The following GRIN2A variants were observed in gnomAD, a reference collection of about 807,000 sequenced individuals.
GRIN2A encodes glutamate receptor ionotropic, NMDA 2A.
Under a neutral mutation model 113.4 loss-of-function variants are expected in GRIN2A, and 22 were observed. That is an observed-to-expected ratio of 0.19 (90% CI 0.14 to 0.28). The LOEUF (loss-of-function observed/expected upper bound fraction) is 0.28. Among genes scored for constraint, GRIN2A ranks in the 10% least tolerant of loss-of-function variants. GRIN2A has a pLI of 1.00. For missense variants in GRIN2A, 1,502 were observed against 1,887.0 expected (o/e 0.80, Z 3.78); for synonymous variants, 827 against 738.4 (o/e 1.12, Z -1.94).
At chr16:10,019,339 AAATTAG>A (rs1446917897) in intron 2 of GRIN2A, among the ~76,000 whole-genome samples, 3 of 152,336 alleles carry the variant, frequency 2.0e-5, no homozygotes, top group Admixed American at 1.3e-4. Flanking sequence ...TAAGTTGTAA[AAATTAG>A]AATTAGATTA....
intron 2 of GRIN2A, chr16:10,179,753 T>A: frequency 1.8e-6 from 1 of 546,168 alleles, no homozygotes. Context: ...GAGCGCTTCC[T>A]GGCACACACA....
At chr16:9,819,588 T>C (rs2042243838) in intron 10 of GRIN2A, among the ~76,000 whole-genome samples, 1 of 151,986 alleles carries the variant, frequency 6.6e-6, no homozygotes, top group Non-Finnish European at 1.5e-5. Flanking sequence ...TTTCCCCAAA[T>C]ATTAACTCCA....
At chr16:10,102,367 A>G (rs1164435014) in intron 2 of GRIN2A, among the ~76,000 whole-genome samples, 2 of 152,104 alleles carry the variant, frequency 1.3e-5, no homozygotes, top group Non-Finnish European at 2.9e-5. Context: ...ACCATGCGAT[A>G]TGCTACCCCC....
chr16:9,967,692 C>T (rs540867929), intron 2 of GRIN2A, among the ~76,000 whole-genome samples: 11 of 151,718 alleles, frequency 7.3e-5, no homozygotes, highest in Middle Eastern at 3.4e-3. Flanking sequence ...GGCGACAGAG[C>T]GAGACTCCAT....
intron 2 of GRIN2A, among the ~76,000 whole-genome samples, chr16:9,992,175 C>T (rs1362695844): frequency 6.6e-6 from 1 of 152,088 alleles, no homozygotes; most frequent in Non-Finnish European, 1.5e-5. Flanking sequence ...ATGTTTATAT[C>T]ATTTTCTTTA....
intron 2 of GRIN2A, among the ~76,000 whole-genome samples, chr16:10,056,828 C>A (rs529100340): frequency 1.3e-5 from 2 of 152,186 alleles, no homozygotes; most frequent in East Asian, 3.9e-4. Context: ...AATGCCAGAA[C>A]CTTGATTTTG....
chr16:9,978,495 ATTCCTCTCC>A (rs1457752239), intron 2 of GRIN2A, among the ~76,000 whole-genome samples: 1 of 150,790 alleles, frequency 6.6e-6, no homozygotes, highest in Non-Finnish European at 1.5e-5. Context: ...TCCTCCTCTC[ATTCCTCTCC>A]TTCCCCTTCC....
intron 10 of GRIN2A, among the ~76,000 whole-genome samples, chr16:9,807,754 C>T (rs1016560016): frequency 5.9e-5 from 9 of 152,142 alleles, no homozygotes; most frequent in African/African-American, 2.2e-4. Flanking sequence ...CCGGGCTCCC[C>T]CAGTGCAAGG....
At chr16:9,783,069 G>C (rs927501262) in intron 11 of GRIN2A, among the ~76,000 whole-genome samples, 2 of 152,170 alleles carry the variant, frequency 1.3e-5, no homozygotes, top group Non-Finnish European at 2.9e-5. Flanking sequence ...TGACTTAGTT[G>C]TTGGGGCATC....
chr16:10,062,916 C>T (rs1324910251), intron 2 of GRIN2A, among the ~76,000 whole-genome samples: 2 of 151,622 alleles, frequency 1.3e-5, no homozygotes, highest in East Asian at 3.9e-4. Flanking sequence ...CAAAAAGACA[C>T]ATGCACTCAT....
intron 2 of GRIN2A, among the ~76,000 whole-genome samples, chr16:10,060,137 T>C (rs766915111): frequency 6.6e-6 from 1 of 152,020 alleles, no homozygotes; most frequent in Non-Finnish European, 1.5e-5. Context: ...AAATCACCTA[T>C]AGCCTGGATA....
Position 10,162,428 on chromosome 16 carries a change from A to G in GRIN2A, c.414+17570T>C, listed in dbSNP as rs141385803. On this transcript the variant is annotated intron_variant, in intron 2 of 12. Coordinates refer to ENST00000330684, the MANE Select transcript of GRIN2A (RefSeq NM_001134407.3). ...AACAAAGGATCACAGTCTTTATTAC[A>G]GCAAAGATGGTTTAAACAACAGAAA... Among the ~76,000 whole-genome samples, 526 of 152,344 alleles carry G rather than the reference A, an allele frequency of 3.5e-3. 4 individuals carry two copies. Among genetic ancestry groups the G allele is most frequent in the African/African-American group, 0.012 (502 of 41,592 alleles).
chr16:10,172,459 C>T (rs1008293885), intron 2 of GRIN2A, among the ~76,000 whole-genome samples: 2 of 152,238 alleles, frequency 1.3e-5, no homozygotes, highest in African/African-American at 2.4e-5. Flanking sequence ...CTACTTCCCT[C>T]ACCTACATCA....
intron 2 of GRIN2A, among the ~76,000 whole-genome samples, chr16:10,045,636 A>G (rs912450024): frequency 9.9e-5 from 15 of 152,228 alleles, no homozygotes; most frequent in Non-Finnish European, 1.9e-4. Flanking sequence ...CATTCTGGCC[A>G]TGGCACTGTC....
intron 3 of GRIN2A, among the ~76,000 whole-genome samples, chr16:9,912,080 A>G (rs1306619898): frequency 6.6e-6 from 1 of 152,142 alleles, no homozygotes; most frequent in African/African-American, 2.4e-5. Context: ...TGTGTTAACT[A>G]TGATGAGGAT....
At chr16:9,822,098 T>G (rs541498401) in intron 10 of GRIN2A, among the ~76,000 whole-genome samples, 166 bp downstream of exon 10, 1 of 152,316 alleles carries the variant, frequency 6.6e-6, no homozygotes, top group South Asian at 2.1e-4. Context: ...AAACCTGGGA[T>G]GCTCATTAGA....
chr16:10,020,464 A>G (rs555163252), intron 2 of GRIN2A, among the ~76,000 whole-genome samples: 8 of 152,332 alleles, frequency 5.3e-5, no homozygotes, highest in African/African-American at 1.4e-4. Context: ...ATCAATAAAT[A>G]TAAAAGGGAG....
chr16:10,148,244 C>T (rs1394756852), intron 2 of GRIN2A, among the ~76,000 whole-genome samples: 4 of 152,178 alleles, frequency 2.6e-5, no homozygotes, highest in East Asian at 3.8e-4. Flanking sequence ...TTATCTAGAG[C>T]TCCTTTTGTG....
At chr16:9,849,289 C>A (rs1355922453) in intron 5 of GRIN2A, among the ~76,000 whole-genome samples, 2 of 147,074 alleles carry the variant, frequency 1.4e-5, no homozygotes, top group Non-Finnish European at 3.0e-5. Flanking sequence ...AAAATGTTTT[C>A]TATATTAAAA....
Sources: gnomAD v4.1 joint callset for allele counts (sites outside exome capture counted in the v4.1 genomes callset) on GRCh38, gnomAD v4.1.1 for gene constraint, MANE v1.5 for transcripts, NCBI Gene and HGNC (gene_info 2026-07-23, HGNC 2026-07-21) for gene names.